Variants in LRP1B observed in about 807,000 individuals in gnomAD.
LRP1B encodes LDL receptor related protein 1B, also known as low-density lipoprotein receptor-related protein 1B.
Under a neutral mutation model 556.6 loss-of-function variants are expected in LRP1B, and 217 were observed. The ratio of observed to expected loss-of-function variants is 0.39; its 90% CI spans 0.35 to 0.44. The LOEUF (loss-of-function observed/expected upper bound fraction) is 0.44, where lower values mean the gene tolerates loss of function less well. Among genes scored for constraint, LRP1B ranks in the 20% least tolerant of loss-of-function variants. The probability of loss-of-function intolerance (pLI) is 1.00; values close to 1 mark genes in which losing one functional copy is unlikely to be tolerated. For synonymous variants in LRP1B, 2,047 were observed against 1,865.8 expected, an observed-to-expected ratio of 1.10 and a Z score of -2.50; for missense variants, 5,053 against 5,620.8, an observed-to-expected ratio of 0.90 and a Z score of 3.23.
intron 41 of LRP1B, among the ~76,000 whole-genome samples, chr2:140,626,214 G>A (rs1683651424): frequency 6.6e-6 from 1 of 152,138 alleles, no homozygotes; most frequent in African/African-American, 2.4e-5. Context: ...AGGGATTAAG[G>A]GAGATGGAAG....
chr2:141,660,593 A>C (rs774625375), intron 2 of LRP1B, among the ~76,000 whole-genome samples: 1 of 152,016 alleles, frequency 6.6e-6, no homozygotes, highest in Non-Finnish European at 1.5e-5. Flanking sequence ...CTGGACCTGG[A>C]TCCATCCCTT....
intron 77 of LRP1B, among the ~76,000 whole-genome samples, chr2:140,342,468 T>G (rs1681444909): frequency 6.6e-6 from 1 of 151,568 alleles, no homozygotes; most frequent in Non-Finnish European, 1.5e-5. Flanking sequence ...ATCAATCTAA[T>G]TCTAATGTGT....
intron 1 of LRP1B, among the ~76,000 whole-genome samples, chr2:142,095,654 GT>G (rs559396128): frequency 1.1e-3 from 162 of 151,690 alleles, no homozygotes; most frequent in Admixed American, 3.6e-3. Flanking sequence ...GTTTATTCAG[GT>G]CCCAAATTTT....
intron 66 of LRP1B, among the ~76,000 whole-genome samples, chr2:140,391,574 A>G (rs942144647): frequency 2.0e-5 from 3 of 152,176 alleles, no homozygotes; most frequent in Admixed American, 1.3e-4. Context: ...TAAAAACCCA[A>G]TTACACCATG....
intron 1 of LRP1B, among the ~76,000 whole-genome samples, chr2:142,028,627 A>G (rs1703584564): frequency 6.6e-6 from 1 of 152,140 alleles, no homozygotes; most frequent in East Asian, 1.9e-4. Flanking sequence ...TAAAGTTGAT[A>G]TAAACATTCA....
At chr2:142,022,745 A>G (rs1464032563) in intron 1 of LRP1B, among the ~76,000 whole-genome samples, 1 of 152,094 alleles carries the variant, frequency 6.6e-6, no homozygotes, top group Non-Finnish European at 1.5e-5. Context: ...ATCTCGGCTC[A>G]CTGCAACCTC....
At chr2:140,932,246 G>C (rs944318717) in intron 20 of LRP1B, among the ~76,000 whole-genome samples, 1 of 151,976 alleles carries the variant, frequency 6.6e-6, no homozygotes, top group African/African-American at 2.4e-5. Context: ...TATAATATAT[G>C]GGTGTAGGAT....
intron 41 of LRP1B, among the ~76,000 whole-genome samples, chr2:140,623,861 G>A (rs1018896500): frequency 4.6e-5 from 7 of 150,898 alleles, no homozygotes; most frequent in African/African-American, 1.7e-4. Flanking sequence ...GGAGGTTGCA[G>A]TGAGTCGAGA....
chr2:142,119,231 A>G (rs4662397), intron 1 of LRP1B, among the ~76,000 whole-genome samples: 132,096 of 152,126 alleles, frequency 0.87, 57,579 homozygotes, highest in East Asian at 0.94. Flanking sequence ...TAAGAAAGCA[A>G]GTTATTTTCT....
chr2:140,418,868 T>C (rs34106853), intron 66 of LRP1B, among the ~76,000 whole-genome samples: 21,803 of 152,080 alleles, frequency 0.14, 2,026 homozygotes, highest in African/African-American at 0.26. Context: ...TTGTCTTCCA[T>C]GAAACTGGTC....
At chr2:141,667,518 C>T (rs564094241) in intron 2 of LRP1B, among the ~76,000 whole-genome samples, 2 of 152,284 alleles carry the variant, frequency 1.3e-5, no homozygotes, top group African/African-American at 2.4e-5. Context: ...TACTCCTGGA[C>T]CTTCAGAAGA....
chr2:141,467,845 G>GGGGGGGC (rs1553518608), intron 3 of LRP1B, among the ~76,000 whole-genome samples: 6 of 127,356 alleles, frequency 4.7e-5, no homozygotes, highest in Admixed American at 8.7e-5. Flanking sequence ...GGACCGGGGG[G>GGGGGGGC]GGGGGAATTC....
chr2:140,900,813 G>GA (rs11422148), intron 23 of LRP1B, among the ~76,000 whole-genome samples: 93,023 of 151,710 alleles, frequency 0.61, 28,883 homozygotes, highest in East Asian at 0.83. Context: ...GACATAAAAA[G>GA]AAAAAATAAA....
chr2:141,934,837 G>C (rs1043314151), intron 1 of LRP1B, among the ~76,000 whole-genome samples: 17 of 152,190 alleles, frequency 1.1e-4, no homozygotes, highest in Admixed American at 7.9e-4. Context: ...GTGAAATTGT[G>C]AGTCAATTAA....
At chr2:141,687,865 ATAGT>A (rs1691368459) in intron 2 of LRP1B, among the ~76,000 whole-genome samples, 1 of 151,766 alleles carries the variant, frequency 6.6e-6, no homozygotes, top group African/African-American at 2.4e-5. Context: ...GAATTAAAGC[ATAGT>A]TAGTAAATGA....
intron 2 of LRP1B, among the ~76,000 whole-genome samples, chr2:141,706,721 T>A (rs1346641996): frequency 2.0e-5 from 3 of 152,098 alleles, no homozygotes; most frequent in Non-Finnish European, 2.9e-5. Context: ...TCTCTTAATA[T>A]CTCGTTAGGC....
At chr2:140,330,869 C>G (rs1680774018) in intron 79 of LRP1B, among the ~76,000 whole-genome samples, 1 of 151,858 alleles carries the variant, frequency 6.6e-6, no homozygotes, top group South Asian at 2.1e-4. Context: ...AACAAATTTA[C>G]ACGAAAAAAC....
intron 3 of LRP1B, among the ~76,000 whole-genome samples, chr2:141,324,140 C>G (rs1022160699): frequency 1.4e-5 from 2 of 146,450 alleles, no homozygotes; most frequent in Non-Finnish European, 3.0e-5. Flanking sequence ...ACATACACAC[C>G]TGAACAAGGA....
At chr2:141,440,452 C>A (rs1680920422) in intron 3 of LRP1B, among the ~76,000 whole-genome samples, 1 of 152,198 alleles carries the variant, frequency 6.6e-6, no homozygotes, top group Non-Finnish European at 1.5e-5. Flanking sequence ...GGCCAGAGGG[C>A]GGCTCCAAGG....
Sources: allele counts gnomAD v4.1 joint callset (sites outside exome capture counted in the v4.1 genomes callset), GRCh38; gene constraint gnomAD v4.1.1; transcripts MANE v1.5; gene names NCBI Gene and HGNC (gene_info 2026-07-23, HGNC 2026-07-21).